Variants in ADGRE2 observed in about 807,000 individuals in gnomAD.
ADGRE2 encodes the protein adhesion G protein-coupled receptor E2.
Under a neutral mutation model 100.8 loss-of-function variants are expected in ADGRE2, and 83 were observed. The ratio of observed to expected loss-of-function variants is 0.82; its 90% CI spans 0.69 to 0.99. The LOEUF (loss-of-function observed/expected upper bound fraction) is 0.99, where lower values mean the gene tolerates loss of function less well. Ranked by LOEUF, ADGRE2 falls within the 50% of genes least tolerant of loss-of-function variation. The probability of loss-of-function intolerance (pLI) is 0.00; values close to 1 mark genes in which losing one functional copy is unlikely to be tolerated. For missense variants in ADGRE2, 814 were observed against 1,035.7 expected, an observed-to-expected ratio of 0.79 and a Z score of 2.94; for synonymous variants, 355 against 413.0, an observed-to-expected ratio of 0.86 and a Z score of 1.70.
chr19:14,770,596 C>G (rs532545746), intron 5 of ADGRE2, among the ~76,000 whole-genome samples: 1 of 152,196 alleles, frequency 6.6e-6, no homozygotes, highest in East Asian at 1.9e-4. Context: ...CTCTCCATTC[C>G]CCAAATGGGG....
At position 14,754,967 on chromosome 19, in the gene ADGRE2, T is replaced by C; in HGVS notation, c.1577A>G (p.His526Arg). Reference protein sequence around the residue: ...HLSSFAVLMAHYDVQEEDPVL... With the variant: ...HLSSFAVLMARYDVQEEDPVL... The stretch of plus-strand genomic sequence containing the variant: ...TAAGGGTCTCACCTGCACATCGTAG[T>C]GGGCCATGAGGACGGCAAAGCTGCT... The change falls in exon 14 of 21, where the codon CAC (histidine) becomes CGC (arginine). Residue 526 changes from histidine to arginine, a missense_variant. By Grantham distance (29) the His-to-Arg change is conservative. Transcript: ENST00000315576. 6.2e-7 allele frequency: 1 copy of C among 1,613,962 alleles called. No homozygotes were observed. Among genetic ancestry groups the C allele is most frequent in the Non-Finnish European group, 8.5e-7 (1 of 1,180,016 alleles).
At chr19:14,763,918 C>T (rs1290655191) in intron 11 of ADGRE2, among the ~76,000 whole-genome samples, 2 of 140,558 alleles carry the variant, frequency 1.4e-5, no homozygotes, top group Non-Finnish European at 3.1e-5. Context: ...CCTCTTTCCT[C>T]CTCTTCCTCC....
intron 20 of ADGRE2, chr19:14,741,760 C>T (rs949875830): frequency 6.9e-6 from 2 of 291,832 alleles, no homozygotes; most frequent in African/African-American, 4.4e-5. Flanking sequence ...GCTGGGATTA[C>T]AGGCATGAGT....
At chr19:14,738,390 T>C (rs887926269) in intron 20 of ADGRE2, among the ~76,000 whole-genome samples, 9 of 152,122 alleles carry the variant, frequency 5.9e-5, no homozygotes, top group African/African-American at 1.4e-4. Flanking sequence ...TCCTTTTTTT[T>C]CCCCTGAGAC....
In ADGRE2 at chr19:14,773,921, C is replaced by T. The variant is rs2147557459; in HGVS notation, c.199+17G>A. The T allele has an allele frequency of 5.6e-6, 9 of 1,610,580 alleles. No individual in the cohort carries two copies. Among genetic ancestry groups the T allele is most frequent in the East Asian group, 4.5e-5 (2 of 44,866 alleles). On this transcript the variant is annotated intron_variant, in intron 4 of 20. Transcript: ENST00000315576. ...ATAATCGCAGATGTCCCCTGCGCTGCCCTCAAGCCTCTGTACCGTCACAAG... is the reference window on the plus strand; with the variant it reads ...ATAATCGCAGATGTCCCCTGCGCTGTCCTCAAGCCTCTGTACCGTCACAAG...
In ADGRE2 at chr19:14,742,201, T is replaced by C. The variant is rs567850747; in HGVS notation, c.2463+1219A>G. 6.9e-4 allele frequency: 276 copies of C among 397,352 alleles called. 1 individual carries two copies. The highest frequency in any genetic ancestry group is 5.3e-3 in the African/African-American group (256 of 48,726). The allele number at this position is 397,352 out of a possible 1,614,324, so 24.6% of individuals were successfully genotyped here. A position where few individuals can be genotyped will look rare whatever the true frequency, so the allele number is the denominator to read the frequency against. On this transcript the variant is annotated intron_variant, in intron 20 of 20. Coordinates refer to ENST00000315576, the MANE Select transcript of ADGRE2 (RefSeq NM_013447.4). ...ACCCGCTGATTCCCAGGTTGCCCAG[T>C]GTGTTTTTAAAACTTTATTTATTTA...
chr19:14,735,038 C>A lies in ADGRE2; in HGVS notation c.*1198G>T, dbSNP rs537661217. The stretch of plus-strand genomic sequence containing the variant: ...ACATGCCTAGTCTAGGTAGCTTTTT[C>A]CTATTGGCACAGCTGCCGGCATTCA... On this transcript the variant is annotated 3_prime_UTR_variant, in exon 21 of 21. Coordinates refer to ENST00000315576, the MANE Select transcript of ADGRE2 (RefSeq NM_013447.4). 6.6e-6 allele frequency: 1 copy of A among 152,298 alleles called. No individual in the cohort carries two copies. Among genetic ancestry groups the A allele is most frequent in the East Asian group, 1.9e-4 (1 of 5,186 alleles). The allele number at this position is 152,298 out of a possible 1,614,324, so 9.4% of individuals were successfully genotyped here.
chr19:14,751,931 ATTTT>A (rs199828270), intron 15 of ADGRE2, among the ~76,000 whole-genome samples: 306 of 133,674 alleles, frequency 2.3e-3, no homozygotes, highest in South Asian at 6.9e-3. Context: ...ATATATATAT[ATTTT>A]TTTTTTTTTT....
In ADGRE2 at chr19:14,763,911, C is replaced by T. The variant is rs375992966; in HGVS notation, c.1084+522G>A. ...CCTCTTGTCCTCCTCCTCCCATCCT[C>T]TTTCCTCCTCTTCCTCCTCCCCTCC... On this transcript the variant is annotated intron_variant, in intron 11 of 20. Transcript: ENST00000315576. Among the ~76,000 whole-genome samples the T allele has an allele frequency of 6.7e-3, 940 of 139,860 alleles. 14 individuals carry two copies. Among genetic ancestry groups the T allele is most frequent in the African/African-American group, 0.024 (905 of 37,100 alleles). 91.8% of individuals were successfully genotyped at this position (139,860 alleles called of 152,430 possible).
At chr19:14,770,675 T>TTTTC (rs1568623193) in intron 5 of ADGRE2, among the ~76,000 whole-genome samples, 58,996 of 108,872 alleles carry the variant, frequency 0.54, 17,047 homozygotes, top group African/African-American at 0.62. Context: ...TTTTCTTTTT[T>TTTTC]TTTTTTTTTT....
chr19:14,774,575 T>C (rs1180836899), intron 2 of ADGRE2, among the ~76,000 whole-genome samples: 1 of 149,996 alleles, frequency 6.7e-6, no homozygotes, highest in Non-Finnish European at 1.5e-5. Context: ...GTGATGCGAT[T>C]ATAGCTCACT....
downstream of ADGRE2, among the ~76,000 whole-genome samples, chr19:14,729,360 CT>C (rs59225167): frequency 0.052 from 7,667 of 146,818 alleles, 218 homozygotes; most frequent in Middle Eastern, 0.073. Context: ...AAACGATACA[CT>C]TTTTTTTTTT....
the ADGRE2 span, among the ~76,000 whole-genome samples, chr19:14,726,117 C>G: frequency 4.6e-5 from 7 of 152,324 alleles, no homozygotes; most frequent in Non-Finnish European, 1.0e-4. Flanking sequence ...TTAATACTAC[C>G]TGGAACCACC....
chr19:14,772,153 T>G, intron 5 of ADGRE2, 189 bp downstream of exon 5: 1 of 741,236 alleles, frequency 1.3e-6, no homozygotes, highest in Non-Finnish European at 2.2e-6. Context: ...GGTCCCAGAG[T>G]TTTCCCTTGG....
In ADGRE2 at chr19:14,772,523, A is replaced by G. The variant is rs772807910; in HGVS notation, c.200-26T>C. ...CTGGAACACAACAGGACAGGAGGTC[A>G]TCTCCCAAAGATGTGAGTTCCGTCA... On this transcript the variant is annotated intron_variant, in intron 4 of 20. Coordinates refer to ENST00000315576, the MANE Select transcript of ADGRE2 (RefSeq NM_013447.4). 3 of 1,612,256 alleles carry G rather than the reference A, an allele frequency of 1.9e-6. No individual in the cohort carries two copies. In the East Asian group the frequency reaches 6.7e-5, roughly 36 times the overall value.
intron 16 of ADGRE2, among the ~76,000 whole-genome samples, chr19:14,750,742 A>G (rs1032638027): frequency 6.6e-6 from 1 of 152,214 alleles, no homozygotes; most frequent in Non-Finnish European, 1.5e-5. Context: ...ATTTTTAAAA[A>G]ATGCTGTCTT....
the ADGRE2 span, among the ~76,000 whole-genome samples, chr19:14,726,922 T>C: frequency 1.3e-5 from 2 of 152,158 alleles, 1 homozygote; most frequent in South Asian, 4.1e-4. Flanking sequence ...TGTTACACAG[T>C]TCTAAAGCTG....
chr19:14,740,792 A>G (rs1440286050), intron 20 of ADGRE2, among the ~76,000 whole-genome samples: 1 of 152,166 alleles, frequency 6.6e-6, no homozygotes, highest in East Asian at 1.9e-4. Context: ...GCTGTAGTGC[A>G]GTGGCATAAT....
chr19:14,754,477 A>ATCTATCTATCTATCTATCTATCTG lies in ADGRE2; in HGVS notation c.1590+476_1590+477insCAGATAGATAGATAGATAGATAGA, dbSNP rs1555784863. Among the ~76,000 whole-genome samples the ATCTATCTATCTATCTATCTATCTG allele has an allele frequency of 3.1e-3, 468 of 150,266 alleles. 7 individuals are homozygous for ATCTATCTATCTATCTATCTATCTG. The highest frequency in any genetic ancestry group is 5.8e-3 in the South Asian group (27 of 4,688). Reference sequence around the variant, plus strand: ...TATCTATCTATCTATCTATCTATCTATCTATCTATCTATTCCATTAGTTCT... The same window carrying ATCTATCTATCTATCTATCTATCTG: ...TATCTATCTATCTATCTATCTATCTATCTATCTATCTATCTATCTATCTGTCTATCTATCTATTCCATTAGTTCT... On this transcript the variant is annotated intron_variant, in intron 14 of 20. Coordinates refer to ENST00000315576, the MANE Select transcript of ADGRE2 (RefSeq NM_013447.4).
Sources: gnomAD v4.1 joint callset for allele counts (sites outside exome capture counted in the v4.1 genomes callset) on GRCh38, gnomAD v4.1.1 for gene constraint, MANE v1.5 for transcripts, NCBI Gene and HGNC (gene_info 2026-07-23, HGNC 2026-07-21) for gene names.